Variants in ACSS3 observed in about 807,000 individuals in gnomAD.
ACSS3 encodes the protein acyl-CoA synthetase short-chain family member 3, mitochondrial.
ACSS3 carries 64 observed loss-of-function variants against 84.2 expected under a neutral mutation model. The observed-to-expected ratio is 0.76, with a 90% CI of 0.62 to 0.94. The LOEUF (loss-of-function observed/expected upper bound fraction) is 0.94, where lower values mean the gene tolerates loss of function less well. Among genes scored for constraint, ACSS3 ranks in the 40% least tolerant of loss-of-function variants. The probability of loss-of-function intolerance (pLI) is 0.00; values close to 1 mark genes in which losing one functional copy is unlikely to be tolerated. For synonymous variants in ACSS3, 317 were observed against 310.1 expected, an observed-to-expected ratio of 1.02 and a Z score of -0.23; for missense variants, 815 against 867.6, an observed-to-expected ratio of 0.94 and a Z score of 0.76.
intron 2 of ACSS3, among the ~76,000 whole-genome samples, chr12:81,132,285 A>T (rs1156247006): frequency 6.6e-6 from 1 of 152,026 alleles, no homozygotes; most frequent in African/African-American, 2.4e-5. Flanking sequence ...GTAGGCTATT[A>T]ATTGTTGCCT....
chr12:81,126,511 A>G (rs182114184), intron 2 of ACSS3, among the ~76,000 whole-genome samples: 90 of 152,306 alleles, frequency 5.9e-4, no homozygotes, highest in Non-Finnish European at 7.1e-4. Flanking sequence ...CTGTTTTAAA[A>G]TTAACAAAAT....
chr12:81,177,064 G>C (rs1008795609), intron 8 of ACSS3, among the ~76,000 whole-genome samples: 1 of 152,034 alleles, frequency 6.6e-6, no homozygotes, highest in Non-Finnish European at 1.5e-5. Flanking sequence ...AAAAACAAAA[G>C]CTGTGTGATT....
chr12:81,199,388 T>C lies in ACSS3; in HGVS notation c.1298T>C (p.Leu433Pro). Residue 433 changes from leucine (L) to proline (P), a missense_variant, in exon 9 of 16, where the codon CTG (leucine) becomes CCG (proline). Coordinates refer to ENST00000548058, the MANE Select transcript of ACSS3 (RefSeq NM_024560.4). ...GGAGAACGATGTGATGTAGAGACCC[T>C]GGAATGGTCCAAAAATGTCTTCAGA... Reference protein sequence around the residue: ...VAGERCDVETLEWSKNVFRVP... With the variant: ...VAGERCDVETPEWSKNVFRVP... 1 of 1,613,788 alleles carries C rather than the reference T, an allele frequency of 6.2e-7. No homozygotes were observed. The highest frequency in any genetic ancestry group is 8.5e-7 in the Non-Finnish European group (1 of 1,179,792).
intron 5 of ACSS3, chr12:81,143,565 G>T: frequency 6.3e-6 from 1 of 159,800 alleles, no homozygotes; most frequent in Non-Finnish European, 1.4e-5. Context: ...TTTAGTAGAT[G>T]TTTAATTGAA....
Position 81,113,844 on chromosome 12 carries a change from G to A in ACSS3, c.456+4140G>A, listed in dbSNP as rs192234021. 3.7e-3 allele frequency among the ~76,000 whole-genome samples: 570 copies of A among 152,164 alleles called. 4 individuals carry two copies. Among genetic ancestry groups the A allele is most frequent in the Non-Finnish European group, 5.6e-3 (382 of 67,960 alleles). ...GATTTCCCACACTTATAACTCAGAAGATCTGCATTCTAGAGGACATGTATG... is the reference window on the plus strand; with the variant it reads ...GATTTCCCACACTTATAACTCAGAAAATCTGCATTCTAGAGGACATGTATG... On this transcript the variant is annotated intron_variant, in intron 2 of 15. Transcript: ENST00000548058.
At chr12:81,230,811 A>G (rs2033433131) in intron 11 of ACSS3, among the ~76,000 whole-genome samples, 1 of 151,812 alleles carries the variant, frequency 6.6e-6, no homozygotes, top group African/African-American at 2.4e-5. Context: ...TAGTTATTTG[A>G]TTTCCACATA....
chr12:81,161,422 G>A (rs1216813259), intron 7 of ACSS3, among the ~76,000 whole-genome samples: 1 of 152,192 alleles, frequency 6.6e-6, no homozygotes, highest in African/African-American at 2.4e-5. Flanking sequence ...ATAACACAGA[G>A]AATTCCCTGG....
At chr12:81,142,969 G>T in intron 4 of ACSS3, 138 bp from the exon 5 acceptor site, 2 of 782,194 alleles carry the variant, frequency 2.6e-6, no homozygotes, top group Non-Finnish European at 3.6e-6. Flanking sequence ...GAACTTTTTA[G>T]TCATAAATCT....
chr12:81,241,525 ATTCT>A (rs1197188409), intron 13 of ACSS3, among the ~76,000 whole-genome samples: 4 of 152,268 alleles, frequency 2.6e-5, no homozygotes, highest in Non-Finnish European at 5.9e-5. Flanking sequence ...AGTGATCGCC[ATTCT>A]AACTGGTATG....
In ACSS3 at chr12:81,119,301, A is replaced by G. The variant is rs193107363; in HGVS notation, c.456+9597A>G. 1.2e-4 allele frequency among the ~76,000 whole-genome samples: 18 copies of G among 152,304 alleles called. No individual in the cohort carries two copies. The East Asian group carries it at 3.1e-3, about 26-fold the overall frequency. On this transcript the variant is annotated intron_variant, in intron 2 of 15. Coordinates refer to ENST00000548058, the MANE Select transcript of ACSS3 (RefSeq NM_024560.4). ...TCACAAGGCAAAGGGCAAAGCAAAG[A>G]TCACAAGGCAAAGGGCAAAATCAAA...
intron 1 of ACSS3, among the ~76,000 whole-genome samples, chr12:81,090,722 T>A (rs919032034): frequency 1.3e-5 from 2 of 152,026 alleles, no homozygotes; most frequent in African/African-American, 4.8e-5. Context: ...AGCTCATTCA[T>A]TGATCCTTAA....
At chr12:81,251,768 G>T (rs2034163193) in intron 13 of ACSS3, among the ~76,000 whole-genome samples, 1 of 151,948 alleles carries the variant, frequency 6.6e-6, no homozygotes, top group African/African-American at 2.4e-5. Context: ...ACCTGAGCCT[G>T]GGAGATTGAG....
intron 8 of ACSS3, among the ~76,000 whole-genome samples, chr12:81,180,695 T>C (rs1340012984): frequency 6.6e-6 from 1 of 152,144 alleles, no homozygotes; most frequent in African/African-American, 2.4e-5. Context: ...TTTGTATTAT[T>C]AGCAGAGACA....
intron 13 of ACSS3, among the ~76,000 whole-genome samples, chr12:81,240,880 C>T (rs561536303): frequency 5.3e-5 from 8 of 151,824 alleles, no homozygotes; most frequent in Non-Finnish European, 1.2e-4. Flanking sequence ...TACATGTGCA[C>T]CATGTGCAGG....
rs1165962983 is a variant in ACSS3, at chr12:81,259,412, A to T, written c.*4490A>T. The T allele has an allele frequency of 1.5e-6, 1 of 657,452 alleles. No individual in the cohort carries two copies. Among genetic ancestry groups the T allele is most frequent in the East Asian group, 2.9e-5 (1 of 34,674 alleles). The allele number at this position is 657,452 out of a possible 1,614,324, so 40.7% of individuals were successfully genotyped here. ...TGAAAAACAACTGGCTTCATTTCAT[A>T]AAAGCATCTGTTGTACAGAGTTTAT... On this transcript the variant is annotated 3_prime_UTR_variant, in exon 16 of 16. Coordinates refer to ENST00000548058, the MANE Select transcript of ACSS3 (RefSeq NM_024560.4).
intron 7 of ACSS3, among the ~76,000 whole-genome samples, chr12:81,153,884 G>C (rs1886739626): frequency 6.6e-6 from 1 of 152,132 alleles, no homozygotes; most frequent in Admixed American, 6.5e-5. Flanking sequence ...TGAATGCTAA[G>C]AAATATTAAG....
intron 1 of ACSS3, among the ~76,000 whole-genome samples, chr12:81,096,143 T>A (rs1882027978): frequency 6.6e-6 from 1 of 152,226 alleles, no homozygotes; most frequent in Non-Finnish European, 1.5e-5. Context: ...CTGCTCTGTT[T>A]CTGTGCAACA....
At chr12:81,111,637 C>T (rs899780120) in intron 2 of ACSS3, among the ~76,000 whole-genome samples, 15 of 152,114 alleles carry the variant, frequency 9.9e-5, no homozygotes, top group African/African-American at 3.6e-4. Context: ...GATTTGTATT[C>T]CCTAGCTCAG....
Position 81,107,960 on chromosome 12 carries a change from A to G in ACSS3, c.312-1600A>G, listed in dbSNP as rs960957650. 2.6e-5 allele frequency among the ~76,000 whole-genome samples: 4 copies of G among 152,146 alleles called. No homozygotes were observed. In the South Asian group the frequency reaches 8.3e-4, roughly 32 times the overall value. ...GCCTCTGCTTGCATCGTGTCTGCTG[A>G]CATTGCATTAGCCAAAGCAAGTACA... is the stretch of plus-strand genomic sequence containing the variant. On this transcript the variant is annotated intron_variant, in intron 1 of 15. Coordinates refer to ENST00000548058, the MANE Select transcript of ACSS3 (RefSeq NM_024560.4).
Sources: gnomAD v4.1 joint callset for allele counts (sites outside exome capture counted in the v4.1 genomes callset) on GRCh38, gnomAD v4.1.1 for gene constraint, MANE v1.5 for transcripts, NCBI Gene and HGNC (gene_info 2026-07-23, HGNC 2026-07-21) for gene names.